Variants in SAMMSON observed in about 807,000 individuals in gnomAD.
SAMMSON encodes the protein survival associated mitochondrial melanoma specific oncogenic non-coding RNA.
intron 7 of SAMMSON, among the ~76,000 whole-genome samples, chr3:70,307,364 A>G (rs1461721279): frequency 6.6e-6 from 1 of 152,150 alleles, no homozygotes; most frequent in Non-Finnish European, 1.5e-5. Flanking sequence ...GCAAATGGCA[A>G]CAATTTAAGG....
intron 2 of SAMMSON, among the ~76,000 whole-genome samples, chr3:70,402,694 T>A (rs1701149515): frequency 6.6e-6 from 1 of 152,006 alleles, no homozygotes; most frequent in Admixed American, 6.6e-5. Context: ...AAACCTCACC[T>A]CTACTAAAAA....
At chr3:70,358,534 T>G (rs754890609) in intron 9 of SAMMSON, among the ~76,000 whole-genome samples, 51 of 152,226 alleles carry the variant, frequency 3.4e-4, no homozygotes, top group Non-Finnish European at 4.3e-4. Context: ...AAGGCCTCTT[T>G]GAAAAGAAAC....
rs568161173 is a variant in SAMMSON, at chr3:70,191,638, C to T, written n.508-57469C>T. Among the ~76,000 whole-genome samples, 5 of 152,248 alleles carry T rather than the reference C, an allele frequency of 3.3e-5. No individual in the cohort carries two copies. In the South Asian group the frequency reaches 1.0e-3, roughly 32 times the overall value. ...TTCTAATCATTGTACAGGATAACAACTCTTAAAACATTTACTACCAGTGAA... is the reference window on the plus strand; with the variant it reads ...TTCTAATCATTGTACAGGATAACAATTCTTAAAACATTTACTACCAGTGAA... On this transcript the variant is annotated intron_variant and non_coding_transcript_variant, in intron 4 of 9. Coordinates refer to ENST00000642114, the Ensembl canonical transcript of SAMMSON.
chr3:70,216,430 T>A (rs1701413051), intron 4 of SAMMSON, among the ~76,000 whole-genome samples: 1 of 151,998 alleles, frequency 6.6e-6, no homozygotes, highest in Non-Finnish European at 1.5e-5. Context: ...TGGTAGGTAC[T>A]GCTAGTGTCA....
At chr3:70,124,814 CAAAAAAA>C (rs1208323683) in intron 4 of SAMMSON, among the ~76,000 whole-genome samples, 138 of 53,686 alleles carry the variant, frequency 2.6e-3, no homozygotes, top group South Asian at 0.017. Flanking sequence ...GACTCCATCT[CAAAAAAA>C]AAAAAAAAAA....
At chr3:70,207,705 G>A (rs1262123291) in intron 4 of SAMMSON, among the ~76,000 whole-genome samples, 1 of 151,954 alleles carries the variant, frequency 6.6e-6, no homozygotes, top group Non-Finnish European at 1.5e-5. Context: ...CACTTACATA[G>A]CATTTACATA....
At chr3:70,409,888 T>C (rs956717429) in intron 2 of SAMMSON, among the ~76,000 whole-genome samples, 1 of 152,188 alleles carries the variant, frequency 6.6e-6, no homozygotes, top group Non-Finnish European at 1.5e-5. Context: ...GTATATTTTA[T>C]GATACTGAGG....
intron 6 of SAMMSON, among the ~76,000 whole-genome samples, chr3:70,265,730 G>T (rs1174967070): frequency 6.6e-6 from 1 of 152,198 alleles, no homozygotes; most frequent in African/African-American, 2.4e-5. Flanking sequence ...AAGAAAAAAG[G>T]TTTAATTGAC....
At chr3:70,422,561 C>A (rs1371758238) in intron 2 of SAMMSON, among the ~76,000 whole-genome samples, 1 of 151,954 alleles carries the variant, frequency 6.6e-6, no homozygotes, top group Non-Finnish European at 1.5e-5. Flanking sequence ...CCACATTGTA[C>A]TGTGCACCTT....
chr3:70,309,076 G>T (rs1405724626), intron 7 of SAMMSON, among the ~76,000 whole-genome samples: 1 of 152,010 alleles, frequency 6.6e-6, no homozygotes, highest in Non-Finnish European at 1.5e-5. Context: ...TTTTTAAGGG[G>T]GAGTGAGGGA....
intron 4 of SAMMSON, among the ~76,000 whole-genome samples, chr3:70,162,427 C>G (rs766270753): frequency 6.6e-6 from 1 of 151,692 alleles, no homozygotes; most frequent in Non-Finnish European, 1.5e-5. Flanking sequence ...GTTTAATTTC[C>G]AAATGTTTGT....
chr3:70,100,737 T>C (rs1234701425), intron 4 of SAMMSON, among the ~76,000 whole-genome samples: 2 of 152,146 alleles, frequency 1.3e-5, no homozygotes, highest in Non-Finnish European at 2.9e-5. Context: ...ATCTATTATT[T>C]TGAAGCTGGG....
chr3:70,270,864 T>C (rs1166136671), intron 6 of SAMMSON, among the ~76,000 whole-genome samples: 2 of 151,900 alleles, frequency 1.3e-5, no homozygotes, highest in East Asian at 3.9e-4. Flanking sequence ...GAGGGGAACA[T>C]CACACACCAG....
At chr3:70,164,794 G>T (rs759397403) in intron 4 of SAMMSON, among the ~76,000 whole-genome samples, 1 of 151,976 alleles carries the variant, frequency 6.6e-6, no homozygotes. Context: ...AGAGTGCTTG[G>T]CACAAAGCAA....
intron 6 of SAMMSON, among the ~76,000 whole-genome samples, chr3:70,274,236 T>C (rs1396863215): frequency 6.6e-6 from 1 of 152,080 alleles, no homozygotes; most frequent in African/African-American, 2.4e-5. Context: ...TATGTTTTAA[T>C]ACTCTCAGTT....
chr3:70,278,812 T>C (rs1354283560), intron 6 of SAMMSON, among the ~76,000 whole-genome samples: 2 of 152,002 alleles, frequency 1.3e-5, no homozygotes, highest in Non-Finnish European at 2.9e-5. Flanking sequence ...ATGCCTCAGA[T>C]TCTTCTTCTA....
chr3:70,204,013 A>G (rs1701267386), intron 4 of SAMMSON, among the ~76,000 whole-genome samples: 1 of 152,176 alleles, frequency 6.6e-6, no homozygotes, highest in African/African-American at 2.4e-5. Context: ...GATGTGCAGT[A>G]AAGATCCTTT....
chr3:70,161,312 C>T (rs1012985742), intron 4 of SAMMSON, among the ~76,000 whole-genome samples: 18 of 151,994 alleles, frequency 1.2e-4, no homozygotes, highest in East Asian at 9.6e-4. Flanking sequence ...GCAGATTTTA[C>T]GTAGATGCGC....
At chr3:70,198,614 C>A (rs1460280957) in intron 4 of SAMMSON, among the ~76,000 whole-genome samples, 1 of 152,134 alleles carries the variant, frequency 6.6e-6, no homozygotes, top group Non-Finnish European at 1.5e-5. Flanking sequence ...CTTTCTCTTA[C>A]CTTCCCTTCC....
Sources: gnomAD v4.1 joint callset for allele counts (sites outside exome capture counted in the v4.1 genomes callset) on GRCh38, gnomAD v4.1.1 for gene constraint, MANE v1.5 for transcripts, NCBI Gene and HGNC (gene_info 2026-07-23, HGNC 2026-07-21) for gene names.